DAB2IP: variants seen among roughly 807,000 people sequenced by gnomAD.
DAB2IP encodes disabled homolog 2-interacting protein.
A neutral mutation model predicts 107.2 loss-of-function variants in DAB2IP; 28 were observed. The ratio of observed to expected loss-of-function variants is 0.26; its 90% CI spans 0.19 to 0.36. The LOEUF is 0.36. Among genes scored for constraint, DAB2IP ranks in the 10% least tolerant of loss-of-function variants. DAB2IP has a pLI of 1.00. For missense variants in DAB2IP, 1,400 were observed against 1,644.7 expected, an observed-to-expected ratio of 0.85 and a Z score of 2.57; for synonymous variants, 755 against 706.4, an observed-to-expected ratio of 1.07 and a Z score of -1.09.
chr9:121,661,440 A>T (rs1189684004), intron 1 of DAB2IP, among the ~76,000 whole-genome samples: 1 of 152,042 alleles, frequency 6.6e-6, no homozygotes, highest in Non-Finnish European at 1.5e-5. Context: ...CCCCATCAGG[A>T]GCAGCCTCTG....
upstream of DAB2IP, among the ~76,000 whole-genome samples, chr9:121,647,147 T>C (rs557067295): frequency 5.9e-5 from 9 of 152,250 alleles, no homozygotes; most frequent in Non-Finnish European, 1.2e-4. Context: ...GTTTCTGTGG[T>C]GCCCCACGCA....
intron 3 of DAB2IP, among the ~76,000 whole-genome samples, chr9:121,725,773 CG>C (rs1352532545): frequency 6.6e-6 from 1 of 151,930 alleles, no homozygotes; most frequent in Non-Finnish European, 1.5e-5. Context: ...TCACTGGGCA[CG>C]GGGCGGCTAT....
chr9:121,689,147 A>G (rs1395697867), intron 2 of DAB2IP, among the ~76,000 whole-genome samples: 1 of 152,106 alleles, frequency 6.6e-6, no homozygotes, highest in Non-Finnish European at 1.5e-5. Flanking sequence ...ACAAAAAATT[A>G]GCCGGGCGTG....
At chr9:121,682,588 C>T (rs1828652891) in intron 2 of DAB2IP, among the ~76,000 whole-genome samples, 1 of 152,210 alleles carries the variant, frequency 6.6e-6, no homozygotes, top group African/African-American at 2.4e-5. Context: ...GCATTGAAGG[C>T]TCAGTGCTAG....
At position 121,783,674 on chromosome 9, in the gene DAB2IP, A is replaced by ACCTGCC. The variant is rs1485992088; in HGVS notation, c.*1179_*1184dup. The ACCTGCC allele has an allele frequency of 2.4e-5, 30 of 1,248,254 alleles. No individual in the cohort carries two copies. The South Asian group carries it at 3.5e-4, about 14-fold the overall frequency. The allele number at this position is 1,248,254 out of a possible 1,614,324, so 77.3% of individuals were successfully genotyped here. A position where few individuals can be genotyped will look rare whatever the true frequency, so the allele number is the denominator to read the frequency against. On this transcript the variant is annotated 3_prime_UTR_variant, in exon 16 of 16. Coordinates refer to ENST00000408936, the Ensembl canonical transcript of DAB2IP. ...CCTCTCCAAGACAGCAGCAGCCTGC[A>ACCTGCC]CCTGCCCCGTGTGTGTGGCCGGCCT...
chr9:121,630,350 C>T (rs913144643), intron 1 of DAB2IP, among the ~76,000 whole-genome samples: 1 of 151,968 alleles, frequency 6.6e-6, no homozygotes, highest in Non-Finnish European at 1.5e-5. Context: ...ATGGTGAAAC[C>T]CTGTCTCTAC....
chr9:121,590,544 C>G (rs1432340527), intron 1 of DAB2IP, among the ~76,000 whole-genome samples: 1 of 152,084 alleles, frequency 6.6e-6, no homozygotes, highest in East Asian at 1.9e-4. Flanking sequence ...AAAATCTGAG[C>G]CTCAGTTTCC....
At chr9:121,589,774 C>G (rs1830386209) in intron 1 of DAB2IP, among the ~76,000 whole-genome samples, 1 of 152,176 alleles carries the variant, frequency 6.6e-6, no homozygotes, top group African/African-American at 2.4e-5. Flanking sequence ...TGCTCTACAT[C>G]CAGTGACTGA....
chr9:121,781,862 A>G, intron 15 of DAB2IP, among the ~76,000 whole-genome samples: 1 of 152,192 alleles, frequency 6.6e-6, no homozygotes, highest in East Asian at 1.9e-4. Flanking sequence ...CAGGCTGGTC[A>G]GAGGGAGCAG....
At position 121,759,877 on chromosome 9, in the gene DAB2IP, A is replaced by G; in HGVS notation, c.616-8A>G. The G allele has an allele frequency of 1.2e-6, 2 of 1,609,238 alleles. No homozygotes were observed. Among genetic ancestry groups the G allele is most frequent in the Non-Finnish European group, 1.7e-6 (2 of 1,176,866 alleles). On this transcript the variant is annotated splice_polypyrimidine_tract_variant and splice_region_variant and intron_variant, in intron 5 of 15. Transcript: ENST00000408936. ...AGCTGACCACCCTGGACCCCCGTGC[A>G]CATACAGGACAACAGCCGGCGTGTG... is the stretch of plus-strand genomic sequence containing the variant.
chr9:121,652,818 T>A (rs1832808554), intron 1 of DAB2IP, among the ~76,000 whole-genome samples: 1 of 152,182 alleles, frequency 6.6e-6, no homozygotes, highest in Non-Finnish European at 1.5e-5. Context: ...TGCCGTTGTG[T>A]GACCTGGGCT....
intron 3 of DAB2IP, among the ~76,000 whole-genome samples, chr9:121,700,692 C>A (rs1332573258): frequency 6.6e-6 from 1 of 152,190 alleles, no homozygotes; most frequent in African/African-American, 2.4e-5. Flanking sequence ...CTAGCATCTT[C>A]CTGGAGAGTA....
At chr9:121,694,349 C>T (rs1039895337) in intron 2 of DAB2IP, among the ~76,000 whole-genome samples, 1 of 152,170 alleles carries the variant, frequency 6.6e-6, no homozygotes, top group Non-Finnish European at 1.5e-5. Context: ...TTCTGAAGCT[C>T]TTATCCTCCC....
At chr9:121,749,973 C>A (rs1832989691) in intron 3 of DAB2IP, among the ~76,000 whole-genome samples, 1 of 152,162 alleles carries the variant, frequency 6.6e-6, no homozygotes, top group African/African-American at 2.4e-5. Context: ...GTCTCCAGCT[C>A]CTGACATCGT....
At chr9:121,582,103 G>A (rs1830207760) in intron 1 of DAB2IP, among the ~76,000 whole-genome samples, 2 of 152,232 alleles carry the variant, frequency 1.3e-5, no homozygotes, top group Non-Finnish European at 1.5e-5. Context: ...GGCTGGGGAA[G>A]GGGCTTGTCA....
At chr9:121,779,470 GAATGTTTT>G (rs1835438277) in intron 14 of DAB2IP, among the ~76,000 whole-genome samples, 1 of 152,226 alleles carries the variant, frequency 6.6e-6, no homozygotes, top group African/African-American at 2.4e-5. Flanking sequence ...GTGAGGTGCT[GAATGTTTT>G]TGTGTTCCTT....
chr9:121,646,739 T>G (rs995690214), upstream of DAB2IP, among the ~76,000 whole-genome samples: 1 of 151,938 alleles, frequency 6.6e-6, no homozygotes, highest in African/African-American at 2.4e-5. Context: ...GCCCCTAGCC[T>G]CCTCCTGTCC....
upstream of DAB2IP, among the ~76,000 whole-genome samples, chr9:121,648,142 G>C (rs1832604511): frequency 6.6e-6 from 1 of 152,050 alleles, no homozygotes; most frequent in South Asian, 2.1e-4. Flanking sequence ...CTACAAATTG[G>C]GTTTAGTGTA....
At chr9:121,589,457 C>T (rs1830379148) in intron 1 of DAB2IP, among the ~76,000 whole-genome samples, 1 of 152,152 alleles carries the variant, frequency 6.6e-6, no homozygotes, top group South Asian at 2.1e-4. Context: ...CTTAAAGACA[C>T]ACTCAGAGGT....
Sources: allele counts gnomAD v4.1 joint callset (sites outside exome capture counted in the v4.1 genomes callset), GRCh38; gene constraint gnomAD v4.1.1; transcripts MANE v1.5; gene names NCBI Gene and HGNC (gene_info 2026-07-23, HGNC 2026-07-21).